Variants in APLP2 observed in about 807,000 individuals in gnomAD.
The protein encoded by APLP2 is amyloid beta precursor like protein 2.
APLP2 carries 53 observed loss-of-function variants against 89.9 expected under a neutral mutation model. The observed-to-expected ratio is 0.59, with a 90% CI of 0.47 to 0.74. APLP2 has a LOEUF of 0.74. APLP2 is among the 30% of genes least tolerant of loss of function. APLP2 has a pLI of 0.00. For missense variants in APLP2, 973 were observed against 975.9 expected, an observed-to-expected ratio of 1.00 and a Z score of 0.04; for synonymous variants, 372 against 348.6, an observed-to-expected ratio of 1.07 and a Z score of -0.75.
intron 1 of APLP2, among the ~76,000 whole-genome samples, chr11:130,072,555 C>G (rs1016597505): frequency 4.7e-5 from 7 of 149,812 alleles, no homozygotes; most frequent in Admixed American, 1.3e-4. Flanking sequence ...GGGCTCACTG[C>G]AACTTCCGCC....
chr11:130,083,021 CTTTTCTTT>C (rs1266191630), intron 1 of APLP2, among the ~76,000 whole-genome samples: 2 of 79,976 alleles, frequency 2.5e-5, no homozygotes, highest in African/African-American at 5.1e-5. Flanking sequence ...TGAAACTTTT[CTTTTCTTT>C]TTTTTTTTTT....
At chr11:130,093,138 G>A (rs552733656) in intron 1 of APLP2, among the ~76,000 whole-genome samples, 2 of 152,334 alleles carry the variant, frequency 1.3e-5, no homozygotes, top group African/African-American at 2.4e-5. Context: ...CAGGCCCGGG[G>A]CAGAGAACTG....
intron 16 of APLP2, among the ~76,000 whole-genome samples, chr11:130,142,319 A>G (rs927608345): frequency 2.0e-5 from 3 of 151,960 alleles, no homozygotes; most frequent in African/African-American, 7.3e-5. Flanking sequence ...TGAACATTTT[A>G]TGCTACAGAG....
At chr11:130,113,607 G>A (rs77533249) in intron 3 of APLP2, among the ~76,000 whole-genome samples, 2,834 of 152,208 alleles carry the variant, frequency 0.019, 46 homozygotes, top group Admixed American at 0.028. Context: ...ACATATTGCA[G>A]TTCTCCCTTA....
At chr11:130,131,244 G>A (rs948198508) in intron 11 of APLP2, among the ~76,000 whole-genome samples, 23 of 152,124 alleles carry the variant, frequency 1.5e-4, no homozygotes, top group Non-Finnish European at 3.2e-4. Flanking sequence ...GATTACAGGT[G>A]CCCACCACAG....
intron 1 of APLP2, among the ~76,000 whole-genome samples, chr11:130,088,123 T>C (rs1944392788): frequency 6.6e-6 from 1 of 152,230 alleles, no homozygotes; most frequent in Admixed American, 6.5e-5. Context: ...GCATGAGGCA[T>C]ATTATTGTAA....
chr11:130,091,279 C>A (rs1166411736), intron 1 of APLP2, among the ~76,000 whole-genome samples: 2 of 140,030 alleles, frequency 1.4e-5, no homozygotes, highest in East Asian at 2.3e-4. Context: ...CTGACCCCCC[C>A]ACCTCCCTCC....
intron 8 of APLP2, 86 bp downstream of exon 8, chr11:130,126,916 C>T (rs1039820607): frequency 1.3e-6 from 2 of 1,568,046 alleles, no homozygotes; most frequent in African/African-American, 2.7e-5. Flanking sequence ...ATAGCTTCTC[C>T]CTAGATTGTC....
chr11:130,140,531 A>G, intron 14 of APLP2, 48 bp downstream of exon 14: 1 of 1,490,708 alleles, frequency 6.7e-7, no homozygotes, highest in Non-Finnish European at 9.1e-7. Context: ...TTTGAGACTC[A>G]TTAGAGCGAG....
At position 130,135,731 on chromosome 11, in the gene APLP2, G is replaced by A. The variant is rs779412036; in HGVS notation, c.1837+16G>A. ...GAGAACGAAGGTGTGTATGGGCGAC[G>A]GTGCCACTTCTGGGCAGCAGGGGGA... On this transcript the variant is annotated intron_variant, in intron 13 of 16. Coordinates refer to ENST00000338167, the MANE Select transcript of APLP2 (RefSeq NM_001142276.2). 3.1e-6 allele frequency: 5 copies of A among 1,613,094 alleles called. No individual in the cohort carries two copies. Among genetic ancestry groups the A allele is most frequent in the African/African-American group, 1.3e-5 (1 of 75,014 alleles).
chr11:130,080,033 T>C (rs749816011), intron 1 of APLP2, among the ~76,000 whole-genome samples: 38 of 152,360 alleles, frequency 2.5e-4, no homozygotes, highest in Admixed American at 4.6e-4. Context: ...ATTCCTGAAA[T>C]GAACCAAACT....
At chr11:130,074,003 G>A (rs1291347123) in intron 1 of APLP2, among the ~76,000 whole-genome samples, 3 of 151,790 alleles carry the variant, frequency 2.0e-5, no homozygotes, top group African/African-American at 4.8e-5. Flanking sequence ...TGCATACGTC[G>A]TCCCCCATCC....
chr11:130,085,480 C>A (rs1565555015), intron 1 of APLP2, among the ~76,000 whole-genome samples: 2 of 151,386 alleles, frequency 1.3e-5, no homozygotes, highest in African/African-American at 4.8e-5. Context: ...CAAAACAAAA[C>A]AAAAAAAACT....
chr11:130,115,271 A>G (rs1456272664), intron 3 of APLP2, among the ~76,000 whole-genome samples: 2 of 152,112 alleles, frequency 1.3e-5, no homozygotes. Context: ...AGTACACGAG[A>G]TATTTTGATA....
rs759211386 is a variant in APLP2 at position 130,129,193 on chromosome 11, C to G, written c.1442C>G (p.Ser481Cys). The change falls in exon 10 of 17, where the codon TCT (serine) becomes TGT (cysteine). Residue 481 changes from serine to cysteine, a missense_variant. Ser to Cys is a moderately radical substitution (Grantham distance 112, BLOSUM62 -1). Transcript: ENST00000338167. ...ALENYLAALQ[S>C]DPPRPHRILQ... is the part of the protein sequence containing the mutation. The stretch of plus-strand genomic sequence containing the variant: ...GAGAACTACCTGGCTGCCTTGCAGT[C>G]TGACCCGCCACGGGTGAGTCCTGCC... 1.4e-5 allele frequency: 23 copies of G among 1,611,616 alleles called. No individual in the cohort carries two copies. Among genetic ancestry groups the G allele is most frequent in the Non-Finnish European group, 2.0e-5 (23 of 1,178,450 alleles).
chr11:130,126,613 C>G (rs1950392856), intron 7 of APLP2, 87 bp from the exon 8 acceptor site: 1 of 1,502,542 alleles, frequency 6.7e-7, no homozygotes, highest in Non-Finnish European at 9.2e-7. Context: ...CAAATTGAGT[C>G]CATCCTGCAG....
chr11:130,073,018 T>G (rs1422042220), intron 1 of APLP2, among the ~76,000 whole-genome samples: 1 of 152,244 alleles, frequency 6.6e-6, no homozygotes, highest in Non-Finnish European at 1.5e-5. Context: ...TAAAATCTGA[T>G]TCAGTGGTTG....
At chr11:130,078,292 C>T (rs1386564454) in intron 1 of APLP2, among the ~76,000 whole-genome samples, 1 of 151,702 alleles carries the variant, frequency 6.6e-6, no homozygotes, top group Non-Finnish European at 1.5e-5. Context: ...TCACTCATTT[C>T]CGTTGCTGCA....
intron 1 of APLP2, among the ~76,000 whole-genome samples, chr11:130,091,081 G>A (rs1453828887): frequency 2.1e-5 from 3 of 143,118 alleles, no homozygotes; most frequent in African/African-American, 8.0e-5. Context: ...GCGGCTGGCC[G>A]GGCGGGGGGC....
Sources: allele counts gnomAD v4.1 joint callset (sites outside exome capture counted in the v4.1 genomes callset), GRCh38; gene constraint gnomAD v4.1.1; transcripts MANE v1.5; gene names NCBI Gene and HGNC (gene_info 2026-07-23, HGNC 2026-07-21).